Variants in CDH26 observed in about 807,000 individuals in gnomAD.
CDH26 encodes the protein cadherin 26.
A neutral mutation model predicts 90.3 loss-of-function variants in CDH26; 83 were observed. That is an observed-to-expected ratio of 0.92 (90% CI 0.77 to 1.10). The LOEUF is 1.10. CDH26 is among the 50% of genes least tolerant of loss of function. The pLI is 0.00. For synonymous variants in CDH26, 397 were observed against 396.3 expected, an observed-to-expected ratio of 1.00 and a Z score of -0.02; for missense variants, 1,013 against 1,037.6, an observed-to-expected ratio of 0.98 and a Z score of 0.33.
At chr20:60,022,051 A>G (rs1247640134) in intron 7 of CDH26, among the ~76,000 whole-genome samples, 1 of 151,768 alleles carries the variant, frequency 6.6e-6, no homozygotes, top group East Asian at 1.9e-4. Flanking sequence ...AGTCTATATT[A>G]TATATTATCA....
In CDH26 at chr20:59,982,212, G is replaced by A. The variant is rs1468144089; in HGVS notation, c.394-711G>A. The stretch of plus-strand genomic sequence containing the variant: ...ATTTTATTGATCATTTCAAAGAATC[G>A]CTTTTGGTTACATGCGATTACGTTG... On this transcript the variant is annotated intron_variant, in intron 4 of 17. Transcript: ENST00000348616. Among the ~76,000 whole-genome samples the A allele has an allele frequency of 4.6e-5, 7 of 152,110 alleles. No homozygotes were observed. The South Asian group carries it at 8.3e-4, about 18-fold the overall frequency.
downstream of CDH26, among the ~76,000 whole-genome samples, chr20:60,017,551 T>C (rs966281463): frequency 6.6e-6 from 1 of 152,070 alleles, no homozygotes; most frequent in African/African-American, 2.4e-5. Context: ...TTTCAAAAAA[T>C]CAACTTTTTG....
At chr20:60,020,975 G>A (rs955146701) in intron 7 of CDH26, among the ~76,000 whole-genome samples, 1 of 152,178 alleles carries the variant, frequency 6.6e-6, no homozygotes, top group African/African-American at 2.4e-5. Context: ...AGGCAGGGGA[G>A]ATGGGGTGCA....
chr20:59,983,655 C>G, intron 5 of CDH26, among the ~76,000 whole-genome samples: 1 of 152,192 alleles, frequency 6.6e-6, no homozygotes, highest in East Asian at 1.9e-4. Context: ...TGTGTATACA[C>G]ATGCTGTGTG....
At chr20:60,007,956 G>A (rs926119177) in intron 17 of CDH26, among the ~76,000 whole-genome samples, 3 of 152,192 alleles carry the variant, frequency 2.0e-5, no homozygotes, top group African/African-American at 7.2e-5. Context: ...CGTACTCCTG[G>A]GAAGATTAGA....
chr20:59,977,652 C>T, intron 4 of CDH26, among the ~76,000 whole-genome samples: 1 of 148,880 alleles, frequency 6.7e-6, no homozygotes, highest in Non-Finnish European at 1.5e-5. Context: ...AAGCACAGTT[C>T]CCATCCTCCC....
At chr20:59,999,102 C>A (rs542344137) in intron 13 of CDH26, among the ~76,000 whole-genome samples, 106 of 152,268 alleles carry the variant, frequency 7.0e-4, no homozygotes, top group Non-Finnish European at 4.6e-4. Context: ...TACAGAAATG[C>A]ATAGATGCCT....
rs370129586 is a variant in CDH26 at position 59,994,362 on chromosome 20, T to C, written c.1539T>C (p.Ala513=). 4 of 1,613,944 alleles carry C rather than the reference T, an allele frequency of 2.5e-6. No homozygotes were observed. Among genetic ancestry groups the C allele is most frequent in the Non-Finnish European group, 3.4e-6 (4 of 1,180,016 alleles). ...RSRYMEVCES[A]VHEPLHIEAE... ...GCTACATGGAGGTCTGTGAGTCTGC[T>C]GTGCATGAGCCCCTCCACATCGAGG... is the stretch of plus-strand genomic sequence containing the variant. The change falls in exon 11 of 18, where the codon GCT becomes GCC. Residue 513 remains alanine, a synonymous_variant. Coordinates refer to ENST00000348616, the MANE Select transcript of CDH26 (RefSeq NM_177980.4).
intron 6 of CDH26, 77 bp downstream of exon 6, chr20:59,984,882 G>C (rs2145986094): frequency 1.9e-6 from 3 of 1,560,218 alleles, no homozygotes; most frequent in Non-Finnish European, 2.6e-6. Context: ...TTCTACATTT[G>C]TAGTGGGGAA....
intron 1 of CDH26, among the ~76,000 whole-genome samples, chr20:59,968,003 CTT>C (rs1569024948): frequency 1.7e-5 from 2 of 119,312 alleles, no homozygotes; most frequent in African/African-American, 6.8e-5. Flanking sequence ...TTCTTTCTTT[CTT>C]TCTTTCTTCC....
intron 13 of CDH26, among the ~76,000 whole-genome samples, chr20:59,999,193 T>C (rs532338932): frequency 1.1e-4 from 17 of 152,124 alleles, no homozygotes; most frequent in African/African-American, 3.4e-4. Context: ...AGTGAACATA[T>C]ATGTTGAGTG....
intron 13 of CDH26, 140 bp downstream of exon 13, chr20:59,996,901 C>T: frequency 2.0e-6 from 2 of 1,020,714 alleles, no homozygotes; most frequent in Non-Finnish European, 2.9e-6. Flanking sequence ...GGAAAAAATT[C>T]TTGCAAATAC....
chr20:59,987,908 C>A (rs1041047632), intron 8 of CDH26, among the ~76,000 whole-genome samples: 1 of 152,134 alleles, frequency 6.6e-6, no homozygotes, highest in Non-Finnish European at 1.5e-5. Context: ...TTGTTGTAGG[C>A]AAAATGTAAT....
chr20:59,982,518 C>CA (rs1439219267), intron 4 of CDH26, among the ~76,000 whole-genome samples: 2 of 152,134 alleles, frequency 1.3e-5, no homozygotes, highest in Non-Finnish European at 2.9e-5. Flanking sequence ...TTCACTTTCC[C>CA]AAAAATCTTT....
At chr20:59,962,918 A>C (rs1334897961) in intron 1 of CDH26, among the ~76,000 whole-genome samples, 1 of 152,154 alleles carries the variant, frequency 6.6e-6, no homozygotes, top group Admixed American at 6.5e-5. Context: ...GGATTGTGAG[A>C]ATACAAGCTA....
At position 59,988,980 on chromosome 20, in the gene CDH26, A is replaced by G. The variant is rs768942176; in HGVS notation, c.1100A>G (p.Glu367Gly). 2 of 1,614,128 alleles carry G rather than the reference A, an allele frequency of 1.2e-6. No homozygotes were observed. Among genetic ancestry groups the G allele is most frequent in the South Asian group, 1.1e-5 (1 of 91,092 alleles). ...AATGAGGAGAGGCTCGTCTTCTGTG[A>G]GAGAGGAAAGCTTCAGCCGCCAAGG... ...VENEERLVFC[E>G]RGKLQPPRKA... The change falls in exon 9 of 18, where the codon GAG (glutamate) becomes GGG (glycine). Residue 367 changes from glutamate to glycine, a missense_variant. Coordinates refer to ENST00000348616, the MANE Select transcript of CDH26 (RefSeq NM_177980.4).
Position 60,012,512 on chromosome 20 carries a change from C to G in CDH26, c.2296-15C>G. 1 of 1,608,072 alleles carries G rather than the reference C, an allele frequency of 6.2e-7. No homozygotes were observed. Among genetic ancestry groups the G allele is most frequent in the Non-Finnish European group, 8.5e-7 (1 of 1,176,676 alleles). ...CACATGGCATTTACCTTCTCTTTCC[C>G]CCACTTTTCCCCAGAAACTCCATGT... On this transcript the variant is annotated splice_polypyrimidine_tract_variant and intron_variant, in intron 17 of 17. Coordinates refer to ENST00000348616, the MANE Select transcript of CDH26 (RefSeq NM_177980.4).
chr20:59,977,908 C>T (rs115778642), intron 4 of CDH26, among the ~76,000 whole-genome samples: 1,724 of 152,278 alleles, frequency 0.011, 37 homozygotes, highest in African/African-American at 0.04. Context: ...ACTCTCTGGG[C>T]TCTGCCCATT....
intron 10 of CDH26, 26 bp from the exon 11 acceptor site, chr20:59,994,223 AC>A (rs774073527): frequency 1.9e-6 from 3 of 1,612,594 alleles, no homozygotes; most frequent in Non-Finnish European, 2.5e-6. Context: ...GAGATAAACA[AC>A]TCCTGAAACT....
Sources: allele counts gnomAD v4.1 joint callset (sites outside exome capture counted in the v4.1 genomes callset), GRCh38; gene constraint gnomAD v4.1.1; transcripts MANE v1.5; gene names NCBI Gene and HGNC (gene_info 2026-07-23, HGNC 2026-07-21).